SUCO: variants seen among roughly 807,000 people sequenced by gnomAD.
SUCO encodes SUN domain-containing ossification factor.
In SUCO, 57 loss-of-function variants were observed where a neutral mutation model predicts 148.1. That is an observed-to-expected ratio of 0.38 (90% CI 0.31 to 0.48). The LOEUF (loss-of-function observed/expected upper bound fraction) is 0.48, where lower values mean the gene tolerates loss of function less well. SUCO is among the 20% of genes least tolerant of loss of function. The pLI is 0.96. For synonymous variants in SUCO, 470 were observed against 502.7 expected, an observed-to-expected ratio of 0.93 and a Z score of 0.87; for missense variants, 1,331 against 1,468.2, an observed-to-expected ratio of 0.91 and a Z score of 1.53.
chr1:172,597,633 A>G (rs1412007437), intron 19 of SUCO, among the ~76,000 whole-genome samples: 4 of 152,122 alleles, frequency 2.6e-5, no homozygotes. Flanking sequence ...GGCTAGAGCC[A>G]TATAGTGATA....
intron 1 of SUCO, among the ~76,000 whole-genome samples, chr1:172,540,922 A>C (rs1402681691): frequency 6.6e-6 from 1 of 152,190 alleles, no homozygotes; most frequent in Non-Finnish European, 1.5e-5. Flanking sequence ...AGATTTTGCA[A>C]ACCAGTCCAA....
chr1:172,609,011 AT>A (rs1470970792), intron 23 of SUCO, among the ~76,000 whole-genome samples: 4 of 152,210 alleles, frequency 2.6e-5, no homozygotes, highest in Non-Finnish European at 4.4e-5. Flanking sequence ...AGGTTTTCTC[AT>A]TTTTAAAGAG....
In SUCO at chr1:172,548,080, C is replaced by A. The variant is rs913568135; in HGVS notation, c.63-3432C>A. ...TATTTCCAAATAAAAAATTTAAAAA[C>A]GGTTTGAATTTTCTCCTGTGTGTGA... On this transcript the variant is annotated intron_variant, in intron 1 of 23. Transcript: ENST00000263688. Among the ~76,000 whole-genome samples the A allele has an allele frequency of 2.6e-5, 4 of 151,818 alleles. 1 individual carries two copies. The South Asian group carries it at 8.3e-4, about 32-fold the overall frequency.
chr1:172,554,976 C>T (rs1653618167), intron 3 of SUCO, among the ~76,000 whole-genome samples: 1 of 152,010 alleles, frequency 6.6e-6, no homozygotes, highest in Admixed American at 6.6e-5. Context: ...TGCTCTTGTA[C>T]TGGCCCTCCT....
chr1:172,606,305 C>T (rs1169577763), intron 22 of SUCO, among the ~76,000 whole-genome samples: 1 of 150,058 alleles, frequency 6.7e-6, no homozygotes, highest in East Asian at 1.9e-4. Context: ...CCCTTCCATG[C>T]TTTCATTAAG....
chr1:172,562,246 C>G (rs1421555750), intron 6 of SUCO, among the ~76,000 whole-genome samples: 1 of 149,408 alleles, frequency 6.7e-6, no homozygotes, highest in Non-Finnish European at 1.5e-5. Context: ...GAGAAGCTTT[C>G]AAAAGAATAG....
At chr1:172,604,422 G>T (rs897090680) in intron 22 of SUCO, among the ~76,000 whole-genome samples, 1 of 151,732 alleles carries the variant, frequency 6.6e-6, no homozygotes. Context: ...ATAAGTTCTT[G>T]TTGTTATGGC....
chr1:172,570,016 A>G (rs1271281147), intron 7 of SUCO, 31 bp from the exon 8 acceptor site: 4 of 1,356,404 alleles, frequency 2.9e-6, no homozygotes, highest in African/African-American at 3.0e-5. Context: ...AAATATATAT[A>G]TAAATATTTA....
rs1653730237 is a variant in SUCO at position 172,556,005 on chromosome 1, C to G, written c.425C>G (p.Thr142Ser). 6.2e-7 allele frequency: 1 copy of G among 1,612,014 alleles called. No homozygotes were observed. The highest frequency in any genetic ancestry group is 1.3e-5 in the African/African-American group (1 of 74,852). The change falls in exon 4 of 24, where the codon ACT (threonine) becomes AGT (serine). Residue 142 changes from threonine (T) to serine (S), a missense_variant. Around this residue, in one of 3 missense-constraint regions of SUCO, gnomAD observed 992 missense variants for 1,093.5 expected, o/e 0.91. Transcript: ENST00000263688. ...NISSSSTSEI[T>S]PISKLDEIEK... Reference sequence around the variant, plus strand: ...TCCAGCTCATCTACCTCAGAAATCACTCCAATCTCAAAGCTTGAGTAAGTT... The same window carrying G: ...TCCAGCTCATCTACCTCAGAAATCAGTCCAATCTCAAAGCTTGAGTAAGTT...
chr1:172,571,021 G>T (rs1654926323), intron 9 of SUCO, among the ~76,000 whole-genome samples: 1 of 152,170 alleles, frequency 6.6e-6, no homozygotes, highest in Admixed American at 6.5e-5. Context: ...GATGAGAGAA[G>T]GCTTCCTGGA....
chr1:172,536,146 TC>T (rs1651997094), intron 1 of SUCO, among the ~76,000 whole-genome samples: 1 of 152,216 alleles, frequency 6.6e-6, no homozygotes, highest in South Asian at 2.1e-4. Flanking sequence ...ATTATTAACT[TC>T]CTTTTGCATT....
At chr1:172,588,495 AAAAG>A in intron 17 of SUCO, 1 of 985,234 alleles carries the variant, frequency 1.0e-6, no homozygotes. Flanking sequence ...TAAACAGATT[AAAAG>A]AAAGCAAGTT....
At chr1:172,572,672 T>C (rs1462378861) in intron 9 of SUCO, among the ~76,000 whole-genome samples, 2 of 115,320 alleles carry the variant, frequency 1.7e-5, no homozygotes, top group Non-Finnish European at 3.3e-5. Flanking sequence ...TCCCCCTCTG[T>C]GAGAAACACC....
In SUCO at chr1:172,602,840, G is replaced by C. The variant is rs1462252748; in HGVS notation, c.3265+53G>C. 2.1e-6 allele frequency: 3 copies of C among 1,438,788 alleles called. No homozygotes were observed. The East Asian group carries it at 6.8e-5, about 33-fold the overall frequency. The allele number at this position is 1,438,788 out of a possible 1,614,324, so 89.1% of individuals were successfully genotyped here. A position where few individuals can be genotyped will look rare whatever the true frequency, so the allele number is the denominator to read the frequency against. On this transcript the variant is annotated intron_variant, in intron 22 of 23. Transcript: ENST00000263688. ...ATATATAAACATGAAACTAGCTTCT[G>C]GCATAAATATAATGTCAGTGTTGTG...
At chr1:172,596,458 G>A (rs1193230774) in intron 19 of SUCO, among the ~76,000 whole-genome samples, 1 of 152,174 alleles carries the variant, frequency 6.6e-6, no homozygotes, top group East Asian at 1.9e-4. Context: ...CGTACAGATG[G>A]GGTTTTGGTG....
intron 15 of SUCO, among the ~76,000 whole-genome samples, chr1:172,582,202 G>A (rs1412508716): frequency 1.3e-5 from 2 of 152,132 alleles, no homozygotes; most frequent in African/African-American, 2.4e-5. Context: ...GCATGTTGAA[G>A]AGAAAATGTA....
chr1:172,541,218 A>C (rs1248401628), intron 1 of SUCO, among the ~76,000 whole-genome samples: 1 of 152,216 alleles, frequency 6.6e-6, no homozygotes, highest in African/African-American at 2.4e-5. Flanking sequence ...ATTATATGGG[A>C]GGATATGCAT....
intron 6 of SUCO, among the ~76,000 whole-genome samples, chr1:172,560,793 A>G (rs1654093163): frequency 6.6e-6 from 1 of 152,192 alleles, no homozygotes; most frequent in Non-Finnish European, 1.5e-5. Flanking sequence ...AAAAACAAAA[A>G]ACAGATGACT....
chr1:172,592,113 T>C lies in SUCO; in HGVS notation c.2913+1042T>C, dbSNP rs181219959. Among the ~76,000 whole-genome samples the C allele has an allele frequency of 1.1e-4, 16 of 152,332 alleles. No homozygotes were observed. In the East Asian group the frequency reaches 3.1e-3, roughly 29 times the overall value. On this transcript the variant is annotated intron_variant, in intron 19 of 23. Transcript: ENST00000263688. ...GTGTCTGTTCATATCCTTTCCCTAC[T>C]TTTTGATGGGGTTGTTTGATTTTTT... is the stretch of plus-strand genomic sequence containing the variant.
Sources: gnomAD v4.1 joint callset for allele counts (sites outside exome capture counted in the v4.1 genomes callset) on GRCh38, gnomAD v4.1.1 for gene constraint, gnomAD v4.1.1 regional missense constraint, MANE v1.5 for transcripts, NCBI Gene and HGNC (gene_info 2026-07-23, HGNC 2026-07-21) for gene names.